The following LRRC4C variants were observed in gnomAD, a reference collection of about 807,000 sequenced individuals.
LRRC4C encodes leucine-rich repeat-containing protein 4C.
A neutral mutation model predicts 33.6 loss-of-function variants in LRRC4C; 5 were observed. The observed-to-expected ratio is 0.15, with a 90% CI of 0.08 to 0.31. The LOEUF (loss-of-function observed/expected upper bound fraction) is 0.31, where lower values mean the gene tolerates loss of function less well. Ranked by LOEUF, LRRC4C falls within the 10% of genes least tolerant of loss-of-function variation. LRRC4C has a pLI of 1.00. For missense variants in LRRC4C, 560 were observed against 796.7 expected, an observed-to-expected ratio of 0.70 and a Z score of 3.58; for synonymous variants, 329 against 302.0, an observed-to-expected ratio of 1.09 and a Z score of -0.93.
chr11:40,984,113 C>T (rs1177134653), intron 1 of LRRC4C, among the ~76,000 whole-genome samples: 1 of 143,320 alleles, frequency 7.0e-6, no homozygotes, highest in African/African-American at 2.6e-5. Flanking sequence ...TATAACAGTA[C>T]TATTGACAAA....
At chr11:40,810,245 A>T (rs1951430039) in intron 2 of LRRC4C, among the ~76,000 whole-genome samples, 1 of 152,144 alleles carries the variant, frequency 6.6e-6, no homozygotes, top group South Asian at 2.1e-4. Context: ...ACACATGAAT[A>T]CTTGCTCCTT....
chr11:41,222,369 C>G (rs1426340223), intron 1 of LRRC4C, among the ~76,000 whole-genome samples: 3 of 152,130 alleles, frequency 2.0e-5, no homozygotes, highest in Admixed American at 1.3e-4. Context: ...TCCTCTCCCC[C>G]AAAGAGCAGG....
Position 40,584,177 on chromosome 11 carries a change from CAT to C in LRRC4C, c.-270+63963_-270+63964del, listed in dbSNP as rs371413523. Among the ~76,000 whole-genome samples, 150 of 71,196 alleles carry C rather than the reference CAT, an allele frequency of 2.1e-3. 9 individuals carry two copies. The highest frequency in any genetic ancestry group is 5.0e-3 in the East Asian group (6 of 1,208). The allele number at this position is 71,196 out of a possible 152,430, so 46.7% of individuals were successfully genotyped here. On this transcript the variant is annotated intron_variant, in intron 3 of 6. Transcript: ENST00000528697. ...AGTATACACACACACACGCACACTTCATATATATATATATATATATATATATA... is the reference window on the plus strand; with the variant it reads ...AGTATACACACACACACGCACACTTCATATATATATATATATATATATATA...
intron 2 of LRRC4C, among the ~76,000 whole-genome samples, chr11:40,695,610 T>C (rs1667316157): frequency 6.6e-6 from 1 of 152,180 alleles, no homozygotes; most frequent in South Asian, 2.1e-4. Context: ...AAAGTCACGA[T>C]GGCAGCACCA....
chr11:40,236,579 A>G (rs1865574555), intron 5 of LRRC4C, among the ~76,000 whole-genome samples: 1 of 152,160 alleles, frequency 6.6e-6, no homozygotes. Context: ...AAGGATTATG[A>G]ACAGAATATA....
intron 3 of LRRC4C, among the ~76,000 whole-genome samples, chr11:40,504,709 A>G (rs868764490): frequency 2.6e-5 from 4 of 152,190 alleles, no homozygotes; most frequent in Non-Finnish European, 5.9e-5. Flanking sequence ...AATTTCATAC[A>G]GTTTTTTATT....
At chr11:41,352,223 C>T (rs1022993551) in intron 1 of LRRC4C, among the ~76,000 whole-genome samples, 8 of 152,150 alleles carry the variant, frequency 5.3e-5, no homozygotes, top group East Asian at 1.9e-4. Context: ...TTATTTTAGA[C>T]AAAATAGACC....
chr11:40,717,417 C>G (rs936009466), intron 2 of LRRC4C, among the ~76,000 whole-genome samples: 7 of 152,008 alleles, frequency 4.6e-5, no homozygotes, highest in African/African-American at 1.7e-4. Context: ...TTTTTACATT[C>G]TACCCCAAAG....
intron 3 of LRRC4C, among the ~76,000 whole-genome samples, chr11:40,592,446 A>G (rs943625951): frequency 6.6e-5 from 10 of 152,178 alleles, no homozygotes; most frequent in Non-Finnish European, 1.5e-4. Context: ...CATATGATCA[A>G]TTGCTATTAA....
intron 3 of LRRC4C, among the ~76,000 whole-genome samples, chr11:40,597,400 G>A (rs1011515628): frequency 2.6e-5 from 4 of 152,066 alleles, no homozygotes; most frequent in African/African-American, 9.7e-5. Flanking sequence ...CTACTCCAAA[G>A]TATTTAAGAT....
At chr11:41,231,765 A>C (rs1409441397) in intron 1 of LRRC4C, among the ~76,000 whole-genome samples, 1 of 151,814 alleles carries the variant, frequency 6.6e-6, no homozygotes, top group Non-Finnish European at 1.5e-5. Flanking sequence ...AAAGTATAAT[A>C]TATATATGTG....
chr11:41,162,638 T>C (rs927009793), intron 1 of LRRC4C, among the ~76,000 whole-genome samples: 2 of 152,194 alleles, frequency 1.3e-5, no homozygotes, highest in Non-Finnish European at 2.9e-5. Flanking sequence ...ATGGCAATTA[T>C]TTGTGTACCT....
At chr11:40,309,667 A>G (rs184750501) in intron 4 of LRRC4C, among the ~76,000 whole-genome samples, 15 of 152,106 alleles carry the variant, frequency 9.9e-5, no homozygotes, top group Admixed American at 9.8e-4. Flanking sequence ...TACCACGCCC[A>G]GCTAATTTTT....
Position 40,258,765 on chromosome 11 carries a change from C to A in LRRC4C, c.-175-17167G>T, listed in dbSNP as rs868217533. Among the ~76,000 whole-genome samples the A allele has an allele frequency of 2.6e-5, 4 of 152,246 alleles. No homozygotes were observed. In the South Asian group the frequency reaches 8.3e-4, roughly 32 times the overall value. On this transcript the variant is annotated intron_variant, in intron 4 of 6. Transcript: ENST00000528697. ...CTCCAAAATATACTTTACTTAAAACCCTGCTGCTCATGTCCCACCTAAGTG... is the reference window on the plus strand; with the variant it reads ...CTCCAAAATATACTTTACTTAAAACACTGCTGCTCATGTCCCACCTAAGTG...
chr11:40,739,747 C>T (rs186129840), intron 2 of LRRC4C, among the ~76,000 whole-genome samples: 21 of 152,010 alleles, frequency 1.4e-4, no homozygotes, highest in Admixed American at 8.5e-4. Context: ...TGCTTTCTTG[C>T]GAAGAAGTTG....
chr11:41,341,556 C>A (rs955384590), intron 1 of LRRC4C, among the ~76,000 whole-genome samples: 11 of 152,094 alleles, frequency 7.2e-5, no homozygotes, highest in Admixed American at 7.2e-4. Context: ...TTACTAACCA[C>A]TTTCCCTAAA....
Position 40,341,694 on chromosome 11 carries a change from A to T in LRRC4C, c.-269-21973T>A, listed in dbSNP as rs963484893. ...CTAAAACTTAAAGTATAATAAAAAA[A>T]CTTTCAAATTGATATTAATTTCTTT... On this transcript the variant is annotated intron_variant, in intron 3 of 6. Transcript: ENST00000528697. Among the ~76,000 whole-genome samples the T allele has an allele frequency of 7.2e-5, 11 of 152,350 alleles. No homozygotes were observed. In the Middle Eastern group the frequency reaches 0.01, roughly 141 times the overall value.
chr11:41,092,511 T>A (rs1389251094), intron 1 of LRRC4C, among the ~76,000 whole-genome samples: 1 of 152,218 alleles, frequency 6.6e-6, no homozygotes, highest in Non-Finnish European at 1.5e-5. Flanking sequence ...CAAAAGGCTA[T>A]AATATGGCAT....
At chr11:40,652,536 A>T (rs1243994090) in intron 2 of LRRC4C, among the ~76,000 whole-genome samples, 11 of 152,214 alleles carry the variant, frequency 7.2e-5, no homozygotes, top group Non-Finnish European at 2.9e-5. Context: ...ATGTAACAGC[A>T]CTAAAGAATA....
Sources: allele counts gnomAD v4.1 joint callset (sites outside exome capture counted in the v4.1 genomes callset), GRCh38; gene constraint gnomAD v4.1.1; transcripts MANE v1.5; gene names NCBI Gene and HGNC (gene_info 2026-07-23, HGNC 2026-07-21).